Variants in UBR4 observed in about 807,000 individuals in gnomAD.
UBR4 encodes the protein ubiquitin protein ligase E3 component n-recognin 4, also known as E3 ubiquitin-protein ligase UBR4.
Under a neutral mutation model 575.6 loss-of-function variants are expected in UBR4, and 124 were observed. That is an observed-to-expected ratio of 0.22 (90% CI 0.19 to 0.25). The LOEUF (loss-of-function observed/expected upper bound fraction) is 0.25. Ranked by LOEUF, UBR4 falls within the 10% of genes least tolerant of loss-of-function variation. The probability of loss-of-function intolerance (pLI) is 1.00; values close to 1 mark genes in which losing one functional copy is unlikely to be tolerated. For synonymous variants in UBR4, 2,455 were observed against 2,473.7 expected, an observed-to-expected ratio of 0.99 and a Z score of 0.22; for missense variants, 4,818 against 6,478.8, an observed-to-expected ratio of 0.74 and a Z score of 8.80.
In UBR4 at chr1:19,115,384, G is replaced by T; in HGVS notation, c.11063+14C>A. 1.9e-6 allele frequency: 3 copies of T among 1,612,940 alleles called. No homozygotes were observed. The South Asian group carries it at 3.3e-5, about 18-fold the overall frequency. The stretch of plus-strand genomic sequence containing the variant: ...TGTGCACAGCCCTGGCCTAGGGGAT[G>T]ACCAATGACTTACCTGCATTTGTGA... On this transcript the variant is annotated intron_variant, in intron 74 of 105. Coordinates refer to ENST00000375254, the MANE Select transcript of UBR4 (RefSeq NM_020765.3).
At position 19,185,953 on chromosome 1, in the gene UBR4, G is replaced by A. The variant is rs183102059; in HGVS notation, c.1750+587C>T. 4.0e-3 allele frequency among the ~76,000 whole-genome samples: 602 copies of A among 152,224 alleles called. 3 individuals are homozygous for A. The highest frequency in any genetic ancestry group is 0.013 in the African/African-American group (532 of 41,528). On this transcript the variant is annotated intron_variant, in intron 14 of 105. Transcript: ENST00000375254. ...TAACAAGCCAAATATTTTCAAGAGC[G>A]AATTTATACTTGCCTTATCAACCAT... is the stretch of plus-strand genomic sequence containing the variant.
intron 97 of UBR4, among the ~76,000 whole-genome samples, chr1:19,090,276 C>T (rs1007142282): frequency 3.9e-5 from 6 of 152,240 alleles, no homozygotes; most frequent in African/African-American, 1.2e-4. Context: ...ATTTCTCTCA[C>T]TTCAATTACG....
At position 19,081,588 on chromosome 1, in the gene UBR4, G is replaced by C. The variant is rs1050151432; in HGVS notation, c.15009-15C>G. ...TTGCTCGGGTTCTAGAAGAAAAGCG[G>C]CATGATAAAATAAAAGCAGGGTGGA... On this transcript the variant is annotated splice_polypyrimidine_tract_variant and intron_variant, in intron 102 of 105. Coordinates refer to ENST00000375254, the MANE Select transcript of UBR4 (RefSeq NM_020765.3). The C allele has an allele frequency of 2.5e-6, 4 of 1,613,810 alleles. No individual in the cohort carries two copies. Among genetic ancestry groups the C allele is most frequent in the Non-Finnish European group, 3.4e-6 (4 of 1,179,868 alleles).
intron 14 of UBR4, 113 bp from the exon 15 acceptor site, chr1:19,185,399 G>A (rs2091425641): frequency 9.6e-7 from 1 of 1,046,628 alleles, no homozygotes; most frequent in Non-Finnish European, 1.3e-6. Context: ...TCCCAATTGT[G>A]ATGATGGTTA....
Position 19,110,906 on chromosome 1 carries a change from C to T in UBR4, c.11802-74G>A, listed in dbSNP as rs2079784272. ...ACACTCCTTTCCACCTGAAGGGGCC[C>T]AGGGAAAATGAAATCAATGTCTAAG... On this transcript the variant is annotated intron_variant, in intron 78 of 105. Transcript: ENST00000375254. This position sits in a 1 kb window ranked among gnomAD's most constrained non-coding sequence, Gnocchi z 4.5. 1 of 1,455,760 alleles carries T rather than the reference C, an allele frequency of 6.9e-7. No individual in the cohort carries two copies. Among genetic ancestry groups the T allele is most frequent in the African/African-American group, 1.4e-5 (1 of 70,774 alleles). 90.2% of individuals were successfully genotyped at this position (1,455,760 alleles called of 1,614,324 possible). A position where few individuals can be genotyped will look rare whatever the true frequency, so the allele number is the denominator to read the frequency against.
intron 86 of UBR4, 70 bp downstream of exon 86, chr1:19,104,515 C>G: frequency 6.6e-7 from 1 of 1,526,708 alleles, no homozygotes; most frequent in Non-Finnish European, 9.0e-7. Flanking sequence ...AACCCCAGCA[C>G]CCAAGGAACT....
At chr1:19,086,871 C>A in intron 99 of UBR4, 50 bp from the exon 100 acceptor site, 1 of 1,604,006 alleles carries the variant, frequency 6.2e-7, no homozygotes, top group Non-Finnish European at 8.5e-7. Context: ...CCAAGTCAGG[C>A]TCAGGAGAAG....
In UBR4 at chr1:19,076,217, C is replaced by T. The variant is rs183698444; in HGVS notation, c.15487+523G>A. Among the ~76,000 whole-genome samples the T allele has an allele frequency of 2.6e-4, 40 of 152,354 alleles. No homozygotes were observed. The East Asian group carries it at 7.7e-3, about 29-fold the overall frequency. ...AGCAGTAGGATAAGGAATTGTCTGA[C>T]CACGTCTCCCACACCCACAGTTCAG... On this transcript the variant is annotated intron_variant, in intron 105 of 105. Coordinates refer to ENST00000375254, the MANE Select transcript of UBR4 (RefSeq NM_020765.3).
intron 99 of UBR4, among the ~76,000 whole-genome samples, chr1:19,087,469 T>G (rs2077128474): frequency 6.6e-6 from 1 of 152,282 alleles, no homozygotes; most frequent in South Asian, 2.1e-4. Flanking sequence ...GCTGGAATTC[T>G]GGCTCTGCCA....
intron 43 of UBR4, 82 bp downstream of exon 43, chr1:19,155,359 T>G: frequency 7.2e-7 from 1 of 1,396,730 alleles, no homozygotes. Flanking sequence ...AAAAATGTTA[T>G]AAAAGAACAA....
chr1:19,135,021 T>C (rs1427083723), intron 60 of UBR4, among the ~76,000 whole-genome samples: 1 of 152,218 alleles, frequency 6.6e-6, no homozygotes, highest in Non-Finnish European at 1.5e-5. Context: ...ACCCAAGTTA[T>C]GAAGACATTT....
At chr1:19,195,628 G>T (rs935038333) in intron 8 of UBR4, among the ~76,000 whole-genome samples, 13 of 152,136 alleles carry the variant, frequency 8.5e-5, no homozygotes, top group African/African-American at 3.1e-4. Context: ...CTGGAAATTA[G>T]CTATGAGAGA....
chr1:19,199,808 A>T, intron 2 of UBR4, 54 bp from the exon 3 acceptor site: 1 of 1,510,592 alleles, frequency 6.6e-7, no homozygotes, highest in Non-Finnish European at 9.2e-7. Flanking sequence ...TTGGTCAATA[A>T]ATTAAGCAAA....
chr1:19,082,679 C>T (rs1052693942), intron 102 of UBR4, among the ~76,000 whole-genome samples: 1 of 152,166 alleles, frequency 6.6e-6, no homozygotes, highest in Non-Finnish European at 1.5e-5. Flanking sequence ...GGCACTGGCA[C>T]AGATGCTGGA....
chr1:19,147,077 G>A, intron 51 of UBR4, 77 bp from the exon 52 acceptor site: 1 of 1,464,614 alleles, frequency 6.8e-7, no homozygotes, highest in Non-Finnish European at 9.1e-7. Context: ...AGAAAAGCTG[G>A]CAGATCACCA....
rs530542180 is a variant in UBR4, at chr1:19,115,381, G to A, written c.11063+17C>T. 27 of 1,612,884 alleles carry A rather than the reference G, an allele frequency of 1.7e-5. No homozygotes were observed. The South Asian group carries it at 2.8e-4, about 16-fold the overall frequency. ...GAATGTGCACAGCCCTGGCCTAGGG[G>A]ATGACCAATGACTTACCTGCATTTG... is the stretch of plus-strand genomic sequence containing the variant. On this transcript the variant is annotated intron_variant, in intron 74 of 105. Coordinates refer to ENST00000375254, the MANE Select transcript of UBR4 (RefSeq NM_020765.3).
rs776894422 is a variant in UBR4, at chr1:19,120,192, A to C, written c.10298T>G (p.Leu3433Arg). ...GCCCTGGCCCTACCTGTAGATGTGC[A>C]GTGTCAGACAGTGGGCCTGCCAGCG... ...SVRWQAHCLT[L>R]HIYRNSSKSQ... The change falls in exon 69 of 106, where the codon CTG (leucine) becomes CGG (arginine). Residue 3433 changes from leucine (L) to arginine (R), a missense_variant. Transcript: ENST00000375254. 1.2e-6 allele frequency: 2 copies of C among 1,614,150 alleles called. No individual in the cohort carries two copies. Among genetic ancestry groups the C allele is most frequent in the Non-Finnish European group, 1.7e-6 (2 of 1,179,980 alleles).
chr1:19,161,177 G>A (rs368266869), intron 37 of UBR4, 30 bp from the exon 38 acceptor site: 13 of 1,602,994 alleles, frequency 8.1e-6, no homozygotes, highest in Middle Eastern at 1.7e-4. Flanking sequence ...GAGTCCCTAA[G>A]TTCTTGCCTC....
intron 31 of UBR4, 68 bp downstream of exon 31, chr1:19,165,181 G>C: frequency 6.7e-7 from 1 of 1,502,320 alleles, no homozygotes; most frequent in Non-Finnish European, 9.2e-7. Flanking sequence ...AACTCAGGCA[G>C]AAGATATGCA....
Sources: gnomAD v4.1 joint callset for allele counts (sites outside exome capture counted in the v4.1 genomes callset) on GRCh38, gnomAD v4.1.1 for gene constraint, Gnocchi (gnomAD v3.1) non-coding constraint, MANE v1.5 for transcripts, NCBI Gene and HGNC (gene_info 2026-07-23, HGNC 2026-07-21) for gene names.